The following URI1 variants were observed in gnomAD, a reference collection of about 807,000 sequenced individuals.
URI1 encodes the protein unconventional prefoldin RPB5 interactor 1.
Under a neutral mutation model 60.2 loss-of-function variants are expected in URI1, and 39 were observed. That is an observed-to-expected ratio of 0.65 (90% CI 0.50 to 0.85). The LOEUF is 0.85. URI1 is among the 40% of genes least tolerant of loss of function. The pLI is 0.00. For synonymous variants in URI1, 251 were observed against 236.8 expected (o/e 1.06, Z -0.55); for missense variants, 691 against 665.9 (o/e 1.04, Z -0.42).
intron 1 of URI1, among the ~76,000 whole-genome samples, chr19:29,951,401 A>T (rs765781246): frequency 6.6e-5 from 10 of 152,016 alleles, no homozygotes; most frequent in Non-Finnish European, 1.3e-4. Flanking sequence ...GAGCAACAAG[A>T]ACTCTAGCAC....
At chr19:29,966,575 A>T (rs1344912524) in intron 1 of URI1, among the ~76,000 whole-genome samples, 1 of 152,132 alleles carries the variant, frequency 6.6e-6, no homozygotes, top group Admixed American at 6.5e-5. Context: ...AATTTTTGTA[A>T]ATTTTGTTGA....
Position 29,947,204 on chromosome 19 carries a change from G to A in URI1, c.117+4540G>A, listed in dbSNP as rs148088228. ...CATATTTGTGAGATGGGAAACGATT[G>A]GAATGTGTTTTGAGGCTGATCTTAA... On this transcript the variant is annotated intron_variant, in intron 1 of 10. Transcript: ENST00000392271. Among the ~76,000 whole-genome samples, 731 of 152,292 alleles carry A rather than the reference G, an allele frequency of 4.8e-3. 7 individuals carry two copies. Among genetic ancestry groups the A allele is most frequent in the African/African-American group, 0.017 (693 of 41,558 alleles).
intron 1 of URI1, among the ~76,000 whole-genome samples, chr19:29,950,094 G>T (rs935518453): frequency 1.3e-5 from 2 of 152,160 alleles, no homozygotes; most frequent in Non-Finnish European, 2.9e-5. Flanking sequence ...CTTGTTGTTG[G>T]CACTTAGTAT....
chr19:29,942,599 C>A lies in URI1; in HGVS notation c.52C>A (p.Pro18Thr). Residue 18 changes from proline to threonine, a missense_variant, in exon 1 of 11, where the codon CCG becomes ACG. Pro to Thr is a conservative substitution (Grantham distance 38). Coordinates refer to ENST00000392271, the MANE Select transcript of URI1 (RefSeq NM_003796.3). ...CCCCGACCCCTCGCCCCCTTCGGCC[C>A]CGGCCCCTGCCCTGGTTCCGTTGCG... is the stretch of plus-strand genomic sequence containing the variant. ...TPPDPSPPSAPAPALVPLRAP... is the reference protein window; with the variant it reads ...TPPDPSPPSATAPALVPLRAP... The A allele has an allele frequency of 6.9e-7, 1 of 1,454,724 alleles. No homozygotes were observed. The highest frequency in any genetic ancestry group is 2.8e-5 in the East Asian group (1 of 35,396). The allele number at this position is 1,454,724 out of a possible 1,614,324, so 90.1% of individuals were successfully genotyped here.
chr19:30,013,747 C>G (rs997857590), intron 10 of URI1, among the ~76,000 whole-genome samples: 7 of 152,088 alleles, frequency 4.6e-5, no homozygotes, highest in Non-Finnish European at 2.9e-5. Context: ...GCTAAAATAC[C>G]TCTTTTTCAA....
intron 4 of URI1, chr19:30,004,704 T>G (rs1005061447): frequency 2.0e-5 from 3 of 152,094 alleles, no homozygotes; most frequent in African/African-American, 7.2e-5. Flanking sequence ...TAGCAGAGAT[T>G]TCTACTCTGA....
chr19:29,996,568 C>T (rs2055815795), intron 4 of URI1, among the ~76,000 whole-genome samples: 1 of 151,978 alleles, frequency 6.6e-6, no homozygotes, highest in Non-Finnish European at 1.5e-5. Flanking sequence ...GAGAACTTGA[C>T]TTCTTTCCAA....
Position 29,985,235 on chromosome 19 carries a change from T to C in URI1, c.165T>C (p.Asp55=). ...QERIQHWKKV[D]NDYNALRERL... Reference sequence around the variant, plus strand: ...TTTCTGTCAACAGGAAGAAGGTAGATAATGACTATAATGCCCTTCGAGAAA... The same window carrying C: ...TTTCTGTCAACAGGAAGAAGGTAGACAATGACTATAATGCCCTTCGAGAAA... The change falls in exon 3 of 11, where the codon GAT becomes GAC. Residue 55 remains aspartate, a synonymous_variant. Coordinates refer to ENST00000392271, the MANE Select transcript of URI1 (RefSeq NM_003796.3). 6.4e-7 allele frequency: 1 copy of C among 1,566,616 alleles called. No homozygotes were observed. The highest frequency in any genetic ancestry group is 8.7e-7 in the Non-Finnish European group (1 of 1,153,082).
intron 1 of URI1, among the ~76,000 whole-genome samples, chr19:29,955,719 A>C (rs1272280783): frequency 1.4e-5 from 2 of 137,984 alleles, no homozygotes; most frequent in Non-Finnish European, 3.2e-5. Flanking sequence ...CCTCCCAAGT[A>C]GCTGGGATTA....
chr19:29,926,188 G>A (rs2054864065), intron 1 of URI1, among the ~76,000 whole-genome samples: 2 of 151,050 alleles, frequency 1.3e-5, no homozygotes, highest in South Asian at 4.2e-4. Flanking sequence ...CTGATATTTT[G>A]GTGCACCCAT....
At chr19:29,943,794 A>G (rs920078106) in intron 1 of URI1, among the ~76,000 whole-genome samples, 5 of 151,928 alleles carry the variant, frequency 3.3e-5, no homozygotes, top group African/African-American at 1.2e-4. Context: ...TTTTTCTCTA[A>G]TAACGCAACT....
In URI1 at chr19:30,015,278, GA is replaced by G; in HGVS notation, c.*211del. On this transcript the variant is annotated 3_prime_UTR_variant, in exon 11 of 11. Transcript: ENST00000392271. The stretch of plus-strand genomic sequence containing the variant: ...TATCAGCTTGTTTTGTGAATTCTCT[GA>G]ATACTGTCAACACTCTTATCTAAGT... 7.1e-7 allele frequency: 1 copy of G among 1,414,748 alleles called. No homozygotes were observed. 87.6% of individuals were successfully genotyped at this position (1,414,748 alleles called of 1,614,324 possible). A position where few individuals can be genotyped will look rare whatever the true frequency, so the allele number is the denominator to read the frequency against.
chr19:29,952,954 C>G (rs2055197966), intron 1 of URI1, among the ~76,000 whole-genome samples: 2 of 152,160 alleles, frequency 1.3e-5, no homozygotes, highest in Admixed American at 1.3e-4. Flanking sequence ...AATCCATTGC[C>G]AGATCCAAGG....
At chr19:29,943,355 AT>A (rs2055057385) in intron 1 of URI1, among the ~76,000 whole-genome samples, 1 of 152,238 alleles carries the variant, frequency 6.6e-6, no homozygotes, top group South Asian at 2.1e-4. Flanking sequence ...GGGACTTTAT[AT>A]AAAGAAGTAT....
chr19:29,964,832 G>A (rs1451084333), intron 1 of URI1, among the ~76,000 whole-genome samples: 1 of 147,708 alleles, frequency 6.8e-6, no homozygotes, highest in African/African-American at 2.5e-5. Context: ...TGACTTTTTT[G>A]TTACCTGGGA....
At chr19:29,984,629 G>A (rs461969) in intron 2 of URI1, among the ~76,000 whole-genome samples, 1 of 152,044 alleles carries the variant, frequency 6.6e-6, no homozygotes, top group South Asian at 2.1e-4. Flanking sequence ...TTCAATAAAT[G>A]TATGGTAGAA....
At chr19:29,936,100 T>C (rs1293876606) in intron 1 of URI1, among the ~76,000 whole-genome samples, 1 of 150,052 alleles carries the variant, frequency 6.7e-6, no homozygotes, top group Non-Finnish European at 1.5e-5. Context: ...AAAAAAATTT[T>C]TTTTTGAGAT....
At chr19:30,006,466 T>C (rs550485912) in intron 6 of URI1, among the ~76,000 whole-genome samples, 3 of 152,204 alleles carry the variant, frequency 2.0e-5, no homozygotes, top group African/African-American at 4.8e-5. Flanking sequence ...GAAGTGGCTT[T>C]AGAAGGTGAA....
chr19:29,996,140 A>G (rs1303413634), intron 4 of URI1, among the ~76,000 whole-genome samples: 1 of 149,866 alleles, frequency 6.7e-6, no homozygotes, highest in Non-Finnish European at 1.5e-5. Context: ...CTGTTTTTGC[A>G]AAAAAAAAAT....
Sources: gnomAD v4.1 joint callset for allele counts (sites outside exome capture counted in the v4.1 genomes callset) on GRCh38, gnomAD v4.1.1 for gene constraint, MANE v1.5 for transcripts, NCBI Gene and HGNC (gene_info 2026-07-23, HGNC 2026-07-21) for gene names.